TMPRSS3: variants seen among roughly 807,000 people sequenced by gnomAD.
TMPRSS3 encodes the protein transmembrane protease serine 3.
Under a neutral mutation model 59.6 loss-of-function variants are expected in TMPRSS3, and 55 were observed. That is an observed-to-expected ratio of 0.92 (90% CI 0.74 to 1.16). The LOEUF is 1.16. TMPRSS3 is among the 50% of genes most tolerant of loss of function. The pLI is 0.00. For missense variants in TMPRSS3, 596 were observed against 579.4 expected (o/e 1.03, Z -0.29); for synonymous variants, 257 against 237.7 (o/e 1.08, Z -0.75).
In TMPRSS3 at chr21:42,388,646, C is replaced by T; in HGVS notation, c.323-120G>A. ...CTGCCAAATCTGACCCACTTCTTGT[C>T]CACGGCAGCCTCCCCATCACAGAGC... On this transcript the variant is annotated intron_variant, in intron 4 of 12. Transcript: ENST00000644384. The surrounding 1 kb of genome is among the most constrained non-coding windows in gnomAD (Gnocchi z 5.1). The T allele has an allele frequency of 1.4e-6, 2 of 1,401,800 alleles. No homozygotes were observed. Among genetic ancestry groups the T allele is most frequent in the Non-Finnish European group, 2.0e-6 (2 of 998,690 alleles). The allele number at this position is 1,401,800 out of a possible 1,614,324, so 86.8% of individuals were successfully genotyped here. A position where few individuals can be genotyped will look rare whatever the true frequency, so the allele number is the denominator to read the frequency against.
intron 10 of TMPRSS3, among the ~76,000 whole-genome samples, chr21:42,378,712 T>G (rs112046565): frequency 0.011 from 1,650 of 152,186 alleles, 33 homozygotes; most frequent in East Asian, 0.037. Flanking sequence ...CTCCACTTTT[T>G]TTTTGTTTTG....
At chr21:42,389,690 C>G (rs1278775065) in intron 3 of TMPRSS3, among the ~76,000 whole-genome samples, 2 of 152,208 alleles carry the variant, frequency 1.3e-5, no homozygotes, top group East Asian at 3.8e-4. Context: ...CACTCCTAAC[C>G]GGGCAGGTTC....
In TMPRSS3 at chr21:42,388,342, C is replaced by G; in HGVS notation, c.446+61G>C. ...TAGTGCCCAACTAAATGGTAGTTGT[C>G]TTTCTTTATTGTTATCCTCTCTGTG... On this transcript the variant is annotated intron_variant, in intron 5 of 12. Transcript: ENST00000644384. This position sits in a 1 kb window ranked among gnomAD's most constrained non-coding sequence, Gnocchi z 5.1. 6.2e-7 allele frequency: 1 copy of G among 1,613,174 alleles called. No homozygotes were observed. Among genetic ancestry groups the G allele is most frequent in the Admixed American group, 1.7e-5 (1 of 60,012 alleles).
Position 42,371,990 on chromosome 21 carries a change from C to T in TMPRSS3, c.*772G>A, listed in dbSNP as rs1332249743. On this transcript the variant is annotated 3_prime_UTR_variant, in exon 13 of 13. Coordinates refer to ENST00000644384, the MANE Select transcript of TMPRSS3 (RefSeq NM_001256317.3). Reference sequence around the variant, plus strand: ...AAAATAGGCCTTAAACGAGTCATTCCTAGATTAACCTCCCCACATGTGAAA... The same window carrying T: ...AAAATAGGCCTTAAACGAGTCATTCTTAGATTAACCTCCCCACATGTGAAA... 2 of 454,568 alleles carry T rather than the reference C, an allele frequency of 4.4e-6. No individual in the cohort carries two copies. Among genetic ancestry groups the T allele is most frequent in the South Asian group, 1.6e-5 (1 of 64,476 alleles). 28.2% of individuals were successfully genotyped at this position (454,568 alleles called of 1,614,324 possible). A position where few individuals can be genotyped will look rare whatever the true frequency, so the allele number is the denominator to read the frequency against.
chr21:42,383,230 C>T (rs749781034), intron 7 of TMPRSS3, 32 bp from the exon 8 acceptor site: 71 of 1,612,836 alleles, frequency 4.4e-5, no homozygotes, highest in Non-Finnish European at 5.8e-5. Flanking sequence ...TGTGGGTCCA[C>T]CCTGCAGACT....
intron 6 of TMPRSS3, among the ~76,000 whole-genome samples, 182 bp downstream of exon 6, chr21:42,385,227 C>T (rs1328752523): frequency 6.6e-6 from 1 of 151,826 alleles, no homozygotes; most frequent in African/African-American, 2.4e-5. Flanking sequence ...GGCCATACTC[C>T]CTCAGGTTCT....
At chr21:42,373,765 G>A (rs998819559) in intron 12 of TMPRSS3, among the ~76,000 whole-genome samples, 3 of 152,214 alleles carry the variant, frequency 2.0e-5, no homozygotes, top group Admixed American at 6.5e-5. Context: ...GTAGTACAGG[G>A]AGGGTCACAG....
At chr21:42,374,090 C>G (rs1191038083) in intron 12 of TMPRSS3, among the ~76,000 whole-genome samples, 1 of 152,172 alleles carries the variant, frequency 6.6e-6, no homozygotes, top group African/African-American at 2.4e-5. Context: ...CCTTCTGTGC[C>G]CCCCAGGCTC....
chr21:42,375,827 C>G lies in TMPRSS3; in HGVS notation c.1233G>C (p.Leu411=), dbSNP rs748419198. The change falls in exon 12 of 13, where the codon CTG becomes CTC. Residue 411 remains leucine, a synonymous_variant. Coordinates refer to ENST00000644384, the MANE Select transcript of TMPRSS3 (RefSeq NM_001256317.3). ...GGPLVCQERR[L]WKLVGATSFG... Reference sequence around the variant, plus strand: ...AGCTGGTCGCTCCCACTAACTTCCACAGCCTCCTCTCTTGACACACCAGGG... The same window carrying G: ...AGCTGGTCGCTCCCACTAACTTCCAGAGCCTCCTCTCTTGACACACCAGGG... 1 of 1,613,880 alleles carries G rather than the reference C, an allele frequency of 6.2e-7. No individual in the cohort carries two copies. The highest frequency in any genetic ancestry group is 1.1e-5 in the South Asian group (1 of 91,086).
chr21:42,378,135 G>T (rs1357624270), intron 10 of TMPRSS3, among the ~76,000 whole-genome samples: 1 of 152,260 alleles, frequency 6.6e-6, no homozygotes, highest in Non-Finnish European at 1.5e-5. Context: ...AGCCACACTG[G>T]CACAGAACTG....
At chr21:42,384,040 T>A (rs1336434579) in intron 6 of TMPRSS3, 27 bp from the exon 7 acceptor site, 1 of 1,612,806 alleles carries the variant, frequency 6.2e-7, no homozygotes, top group African/African-American at 1.3e-5. Flanking sequence ...GTAGGCTCTG[T>A]GAAAAATGCC....
intron 5 of TMPRSS3, among the ~76,000 whole-genome samples, chr21:42,386,952 A>G (rs879475250): frequency 4.6e-5 from 7 of 152,348 alleles, no homozygotes; most frequent in Admixed American, 2.0e-4. Flanking sequence ...GAACAAGCCT[A>G]TAGAGAAGAA....
At chr21:42,383,441 G>C in intron 7 of TMPRSS3, 1 of 592,906 alleles carries the variant, frequency 1.7e-6, no homozygotes, top group Non-Finnish European at 3.0e-6. Flanking sequence ...GCCCTGCTTG[G>C]TCAGTGCCCA....
At chr21:42,390,663 G>A (rs959724334) in intron 2 of TMPRSS3, among the ~76,000 whole-genome samples, 1 of 152,198 alleles carries the variant, frequency 6.6e-6, no homozygotes, top group Admixed American at 6.5e-5. Context: ...GGGAGGCAGA[G>A]GTGGCAGTGA....
chr21:42,376,150 A>G (rs2052424724), intron 11 of TMPRSS3, among the ~76,000 whole-genome samples: 1 of 152,162 alleles, frequency 6.6e-6, no homozygotes, highest in South Asian at 2.1e-4. Flanking sequence ...GCAGCTGGTG[A>G]GAGGGAGGGT....
intron 5 of TMPRSS3, among the ~76,000 whole-genome samples, chr21:42,385,994 C>T (rs566740698): frequency 6.6e-6 from 1 of 152,256 alleles, no homozygotes; most frequent in African/African-American, 2.4e-5. Context: ...AGAGACATCC[C>T]TCACCTGCCC....
Position 42,395,379 on chromosome 21 carries a change from G to A in TMPRSS3, c.39C>T (p.Phe13=), listed in dbSNP as rs150765531. The change falls in exon 2 of 13, where the codon TTC becomes TTT. Residue 13 remains phenylalanine, a synonymous_variant. Transcript: ENST00000644384. The part of the protein sequence containing the change: ...ENDPPAVEAP[F]SFRSLFGLDD... ...CAAGGCCAAAAAGCGATCGGAATGA[G>A]AAGGGGGCTTCAACAGCAGGCGGAT... The A allele has an allele frequency of 6.2e-7, 1 of 1,614,108 alleles. No homozygotes were observed. The highest frequency in any genetic ancestry group is 1.3e-5 in the African/African-American group (1 of 74,938).
At position 42,390,017 on chromosome 21, in the gene TMPRSS3, G is replaced by C. The variant is rs2052708500; in HGVS notation, c.115C>G (p.Gln39Glu). ...VAPDADAVAA[Q>E]ILSLLPLKFF... ...TTCAATGGCAGCAGTGACAGGATCT[G>C]TGCAGCAACAGCATCTGCATCTGAA... The change falls in exon 3 of 13, where the codon CAG becomes GAG. Residue 39 changes from glutamine (Q) to glutamate (E), a missense_variant. Physicochemically the swap from Gln to Glu is conservative, Grantham distance 29. Transcript: ENST00000644384. 3 of 1,614,068 alleles carry C rather than the reference G, an allele frequency of 1.9e-6. No individual in the cohort carries two copies. Among genetic ancestry groups the C allele is most frequent in the Non-Finnish European group, 2.5e-6 (3 of 1,179,888 alleles).
Position 42,388,809 on chromosome 21 carries a change from C to A in TMPRSS3, c.322+120G>T, listed in dbSNP as rs1405339399. 1 of 1,045,638 alleles carries A rather than the reference C, an allele frequency of 9.6e-7. No homozygotes were observed. The allele number at this position is 1,045,638 out of a possible 1,614,324, so 64.8% of individuals were successfully genotyped here. On this transcript the variant is annotated intron_variant, in intron 4 of 12. Coordinates refer to ENST00000644384, the MANE Select transcript of TMPRSS3 (RefSeq NM_001256317.3). This position sits in a 1 kb window ranked among gnomAD's most constrained non-coding sequence, Gnocchi z 5.1. Reference sequence around the variant, plus strand: ...GTCTTTGGGCAAACGCCAGTTCAATCCCAGCTGAAGACATGACCTAAAAAT... The same window carrying A: ...GTCTTTGGGCAAACGCCAGTTCAATACCAGCTGAAGACATGACCTAAAAAT...
Sources: gnomAD v4.1 joint callset for allele counts (sites outside exome capture counted in the v4.1 genomes callset) on GRCh38, gnomAD v4.1.1 for gene constraint, Gnocchi (gnomAD v3.1) non-coding constraint, MANE v1.5 for transcripts, NCBI Gene and HGNC (gene_info 2026-07-23, HGNC 2026-07-21) for gene names.